Variants in ABCC4 observed in about 807,000 individuals in gnomAD.
ABCC4 encodes the protein ATP-binding cassette sub-family C member 4.
Under a neutral mutation model 168.5 loss-of-function variants are expected in ABCC4, and 102 were observed. The observed-to-expected ratio is 0.61, with a 90% CI of 0.52 to 0.71. The LOEUF (loss-of-function observed/expected upper bound fraction) is 0.71. Among genes scored for constraint, ABCC4 ranks in the 30% least tolerant of loss-of-function variants. The pLI is 0.00. For synonymous variants in ABCC4, 617 were observed against 590.7 expected (o/e 1.04, Z -0.65); for missense variants, 1,402 against 1,605.8 (o/e 0.87, Z 2.17).
At chr13:95,105,359 A>C (rs577609954) in intron 20 of ABCC4, among the ~76,000 whole-genome samples, 38 of 152,086 alleles carry the variant, frequency 2.5e-4, no homozygotes, top group Admixed American at 9.2e-4. Context: ...ACAGACTAGT[A>C]CTGGTCTGTG....
chr13:95,213,414 A>G (rs1410345733), intron 4 of ABCC4, among the ~76,000 whole-genome samples: 4 of 152,230 alleles, frequency 2.6e-5, no homozygotes, highest in African/African-American at 4.8e-5. Context: ...TCCAAGTTGT[A>G]GAAGCATCTG....
chr13:95,021,494 A>G lies in ABCC4; in HGVS notation c.*81T>C. The G allele has an allele frequency of 1.1e-6, 1 of 920,782 alleles. No individual in the cohort carries two copies. Among genetic ancestry groups the G allele is most frequent in the East Asian group, 2.5e-5 (1 of 39,386 alleles). The allele number at this position is 920,782 out of a possible 1,614,324, so 57.0% of individuals were successfully genotyped here. A position where few individuals can be genotyped will look rare whatever the true frequency, so the allele number is the denominator to read the frequency against. On this transcript the variant is annotated 3_prime_UTR_variant, in exon 31 of 31. Transcript: ENST00000645237. ...ATGTATAAATATTTGTTGCCAAAGTAAAAAAAAGTACAATGTGGTTTACAT... is the reference window on the plus strand; with the variant it reads ...ATGTATAAATATTTGTTGCCAAAGTGAAAAAAAGTACAATGTGGTTTACAT...
At chr13:95,267,257 T>C (rs984833144) in intron 1 of ABCC4, among the ~76,000 whole-genome samples, 1 of 152,116 alleles carries the variant, frequency 6.6e-6, no homozygotes, top group African/African-American at 2.4e-5. Flanking sequence ...GGCAACTGAA[T>C]CATGGAGGCA....
intron 20 of ABCC4, among the ~76,000 whole-genome samples, chr13:95,102,828 C>A (rs1411755464): frequency 6.7e-6 from 1 of 149,588 alleles, no homozygotes; most frequent in African/African-American, 2.5e-5. Context: ...ACCATGTTGG[C>A]CAGGCTGGTC....
chr13:95,259,918 G>C (rs1189633377), intron 1 of ABCC4, among the ~76,000 whole-genome samples: 1 of 151,906 alleles, frequency 6.6e-6, no homozygotes, highest in East Asian at 1.9e-4. Context: ...TCTACTTCTG[G>C]GCTTTCTAAG....
chr13:95,097,874 G>A (rs893981517), intron 20 of ABCC4, among the ~76,000 whole-genome samples: 28 of 151,792 alleles, frequency 1.8e-4, no homozygotes, highest in African/African-American at 6.0e-4. Flanking sequence ...AGTGGCTCAC[G>A]CCTATAATCC....
chr13:95,110,804 C>T (rs1428299231), intron 20 of ABCC4, among the ~76,000 whole-genome samples: 1 of 151,692 alleles, frequency 6.6e-6, no homozygotes, highest in East Asian at 1.9e-4. Context: ...CCCATCTCTA[C>T]TAAAAATACA....
intron 19 of ABCC4, among the ~76,000 whole-genome samples, chr13:95,126,667 C>CGGTTGCT (rs1340310918): frequency 1.3e-4 from 17 of 134,772 alleles, no homozygotes; most frequent in African/African-American, 4.9e-4. Flanking sequence ...ACAGGTGTTA[C>CGGTTGCT]ACCAAACTGT....
chr13:95,116,998 G>C (rs114484192), intron 19 of ABCC4, among the ~76,000 whole-genome samples: 2,111 of 152,254 alleles, frequency 0.014, 57 homozygotes, highest in African/African-American at 0.048. Context: ...ATGGTCAGAG[G>C]CTGTAGACGG....
chr13:95,183,103 T>C (rs936945395), intron 11 of ABCC4, among the ~76,000 whole-genome samples: 1 of 132,284 alleles, frequency 7.6e-6, no homozygotes, highest in East Asian at 2.2e-4. Context: ...CGGGGGAGGG[T>C]GGCCAGGAGG....
Position 95,206,640 on chromosome 13 carries a change from C to T in ABCC4, c.1053G>A (p.Val351=). Residue 351 remains valine (V), a synonymous_variant, in exon 8 of 31, where the codon GTG becomes GTA. Transcript: ENST00000645237. ...LLGSVITASR[V]FVAVTLYGAV... is the part of the protein sequence containing the mutation. Reference sequence around the variant, plus strand: ...CCCCATACAGCGTCACTGCCACGAACACGCGGCTGGCTGTGATCACACTGC... The same window carrying T: ...CCCCATACAGCGTCACTGCCACGAATACGCGGCTGGCTGTGATCACACTGC... The T allele has an allele frequency of 6.2e-7, 1 of 1,614,152 alleles. No individual in the cohort carries two copies. Among genetic ancestry groups the T allele is most frequent in the Non-Finnish European group, 8.5e-7 (1 of 1,180,026 alleles).
intron 3 of ABCC4, among the ~76,000 whole-genome samples, chr13:95,238,596 C>T (rs932137090): frequency 5.3e-5 from 8 of 152,162 alleles, no homozygotes; most frequent in Admixed American, 1.3e-4. Context: ...ACTCTTGTTG[C>T]GCAGGCTGGA....
At position 95,022,126 on chromosome 13, in the gene ABCC4, T is replaced by C. The variant is rs1021525762; in HGVS notation, c.3871-444A>G. 6.6e-5 allele frequency among the ~76,000 whole-genome samples: 10 copies of C among 152,220 alleles called. 1 individual carries two copies. Among genetic ancestry groups the C allele is most frequent in the African/African-American group, 2.4e-4 (10 of 41,458 alleles). On this transcript the variant is annotated intron_variant, in intron 30 of 30. Transcript: ENST00000645237. ...TGTAATCCCTATATTTTATAAACTCTGATTGACAAGCATTGAAATGCTGGC... is the reference window on the plus strand; with the variant it reads ...TGTAATCCCTATATTTTATAAACTCCGATTGACAAGCATTGAAATGCTGGC...
At chr13:95,151,545 A>AAGGAGG (rs143997321) in intron 19 of ABCC4, among the ~76,000 whole-genome samples, 9 of 141,558 alleles carry the variant, frequency 6.4e-5, no homozygotes, top group African/African-American at 1.4e-4. Context: ...ATGAAGAAGG[A>AAGGAGG]AGGAGGAGGA....
intron 19 of ABCC4, among the ~76,000 whole-genome samples, chr13:95,126,629 G>A (rs971960278): frequency 4.7e-5 from 7 of 148,808 alleles, no homozygotes; most frequent in African/African-American, 5.0e-5. Context: ...CATCCCCGGC[G>A]CATCATTTTA....
intron 4 of ABCC4, among the ~76,000 whole-genome samples, chr13:95,231,884 C>T (rs2039630715): frequency 6.6e-6 from 1 of 152,150 alleles, no homozygotes; most frequent in Non-Finnish European, 1.5e-5. Flanking sequence ...TGAACAGTAT[C>T]TCACTTGTAC....
chr13:95,163,014 G>A (rs189914335), intron 18 of ABCC4, 108 bp downstream of exon 18: 102 of 742,008 alleles, frequency 1.4e-4, no homozygotes, highest in African/African-American at 1.0e-3. Context: ...TGAGACTCCT[G>A]ATCTGTTAAG....
intron 27 of ABCC4, among the ~76,000 whole-genome samples, chr13:95,048,923 T>C (rs936854833): frequency 5.3e-5 from 8 of 152,242 alleles, no homozygotes; most frequent in African/African-American, 1.9e-4. Context: ...TTACGTTATA[T>C]TTACAGAGTT....
intron 15 of ABCC4, among the ~76,000 whole-genome samples, chr13:95,165,654 T>C (rs2037246445): frequency 6.6e-6 from 1 of 152,208 alleles, no homozygotes; most frequent in Non-Finnish European, 1.5e-5. Context: ...TTGCACATGC[T>C]ACTTCTGGCC....
Sources: gnomAD v4.1 joint callset for allele counts (sites outside exome capture counted in the v4.1 genomes callset) on GRCh38, gnomAD v4.1.1 for gene constraint, MANE v1.5 for transcripts, NCBI Gene and HGNC (gene_info 2026-07-23, HGNC 2026-07-21) for gene names.